Variants in RANBP2 observed in about 807,000 individuals in gnomAD.
The protein encoded by RANBP2 is RAN binding protein 2, also known as E3 SUMO-protein ligase RanBP2.
Under a neutral mutation model 303.6 loss-of-function variants are expected in RANBP2, and 57 were observed. The observed-to-expected ratio is 0.19, with a 90% CI of 0.15 to 0.23. RANBP2 has a LOEUF of 0.23. RANBP2 is among the 10% of genes least tolerant of loss of function. The pLI is 1.00. For synonymous variants in RANBP2, 1,167 were observed against 1,301.5 expected (o/e 0.90, Z 2.23); for missense variants, 3,138 against 3,780.8 (o/e 0.83, Z 4.46).
the RANBP2 span, chr2:108,846,799 C>T: frequency 1.2e-6 from 2 of 1,612,720 alleles, no homozygotes; most frequent in South Asian, 2.2e-5. Context: ...GGAGTGGTAA[C>T]TAAAGGAATT....
chr2:108,979,497 A>ACACG, the RANBP2 span, among the ~76,000 whole-genome samples: 1 of 147,804 alleles, frequency 6.8e-6, no homozygotes, highest in African/African-American at 2.5e-5. Flanking sequence ...ACACACACAC[A>ACACG]CACGCATGGC....
At chr2:108,878,258 TCTTC>T in the RANBP2 span, 1 of 156,688 alleles carries the variant, frequency 6.4e-6, no homozygotes, top group African/African-American at 2.4e-5. Context: ...GCCCCCTCGC[TCTTC>T]CTTCCTCCAT....
the RANBP2 span, among the ~76,000 whole-genome samples, chr2:109,153,725 C>T: frequency 3.3e-5 from 5 of 152,302 alleles, no homozygotes; most frequent in South Asian, 2.1e-4. Flanking sequence ...GTCTGCTGTG[C>T]GTTTTGTGCT....
chr2:109,510,101 C>T, the RANBP2 span, among the ~76,000 whole-genome samples: 13 of 152,034 alleles, frequency 8.6e-5, no homozygotes, highest in Admixed American at 7.2e-4. Context: ...GTTCGGTTGG[C>T]GGGAACGGTG....
chr2:109,097,197 G>A, the RANBP2 span, among the ~76,000 whole-genome samples: 4 of 152,060 alleles, frequency 2.6e-5, no homozygotes, highest in Non-Finnish European at 4.4e-5. Context: ...CCAGCTACTT[G>A]GTAGGCTGAG....
chr2:109,271,574 G>A, the RANBP2 span, among the ~76,000 whole-genome samples: 3 of 152,326 alleles, frequency 2.0e-5, no homozygotes, highest in Admixed American at 1.3e-4. Context: ...TGTAACTATG[G>A]CATCCCAGCC....
chr2:109,236,484 A>T, the RANBP2 span, among the ~76,000 whole-genome samples: 1 of 152,194 alleles, frequency 6.6e-6, no homozygotes, highest in East Asian at 1.9e-4. Flanking sequence ...GAATCAGAAA[A>T]GGTGGTCTTC....
chr2:109,446,373 GT>G, the RANBP2 span, among the ~76,000 whole-genome samples: 13 of 152,202 alleles, frequency 8.5e-5, no homozygotes, highest in Non-Finnish European at 1.8e-4. Flanking sequence ...AAGCAGCCAT[GT>G]CCCCACCTCA....
At chr2:109,227,342 G>A in the RANBP2 span, among the ~76,000 whole-genome samples, 6 of 151,856 alleles carry the variant, frequency 4.0e-5, no homozygotes, top group South Asian at 1.2e-3. Context: ...ACAATACTAA[G>A]GGACTTCTCA....
chr2:109,016,939 C>T, the RANBP2 span, among the ~76,000 whole-genome samples: 13 of 152,124 alleles, frequency 8.5e-5, no homozygotes, highest in Non-Finnish European at 1.6e-4. Flanking sequence ...TATGGAAACT[C>T]GGGTGTGAAA....
the RANBP2 span, among the ~76,000 whole-genome samples, chr2:109,201,155 TC>T: frequency 1.3e-5 from 2 of 152,222 alleles, no homozygotes; most frequent in African/African-American, 2.4e-5. Context: ...TCACACGTCT[TC>T]CTTCCGGCGG....
At chr2:109,314,133 C>A in the RANBP2 span, among the ~76,000 whole-genome samples, 1 of 152,102 alleles carries the variant, frequency 6.6e-6, no homozygotes, top group Non-Finnish European at 1.5e-5. Flanking sequence ...CCTGGGCAGT[C>A]ACCTAACTGC....
At chr2:108,771,557 C>T in intron 20 of RANBP2, 144 bp from the exon 21 acceptor site, 1 of 1,364,230 alleles carries the variant, frequency 7.3e-7, no homozygotes, top group Non-Finnish European at 9.7e-7. Flanking sequence ...GATTATCATA[C>T]ATCTCTGCAT....
At chr2:108,895,309 A>G in the RANBP2 span, 109,004 of 152,470 alleles carry the variant, frequency 0.71, 42,055 homozygotes, top group East Asian at 0.91. Context: ...TAATTTTTAC[A>G]ACCTCGCTTT....
chr2:109,608,884 A>G, the RANBP2 span, among the ~76,000 whole-genome samples: 14 of 152,244 alleles, frequency 9.2e-5, no homozygotes, highest in African/African-American at 3.4e-4. Flanking sequence ...CGCATCAGGC[A>G]TTTTATACTA....
chr2:108,903,261 A>C, the RANBP2 span, among the ~76,000 whole-genome samples: 8 of 152,196 alleles, frequency 5.3e-5, no homozygotes, highest in Non-Finnish European at 7.3e-5. Context: ...AAATGAAGAG[A>C]TATACCATGC....
chr2:109,672,757 A>G, the RANBP2 span, among the ~76,000 whole-genome samples: 1 of 152,232 alleles, frequency 6.6e-6, no homozygotes, highest in South Asian at 2.1e-4. Context: ...TATGACATGT[A>G]AATACTGTTG....
At chr2:109,142,591 T>C in the RANBP2 span, among the ~76,000 whole-genome samples, 1 of 152,152 alleles carries the variant, frequency 6.6e-6, no homozygotes, top group Non-Finnish European at 1.5e-5. Context: ...ATTCTAGTCC[T>C]GTCACCAGAA....
chr2:109,623,239 G>C, the RANBP2 span, among the ~76,000 whole-genome samples: 1 of 152,178 alleles, frequency 6.6e-6, no homozygotes, highest in Non-Finnish European at 1.5e-5. Flanking sequence ...TTCCCTGCCT[G>C]TAAATCCCTA....
Sources: allele counts gnomAD v4.1 joint callset (sites outside exome capture counted in the v4.1 genomes callset), GRCh38; gene constraint gnomAD v4.1.1; transcripts MANE v1.5; gene names NCBI Gene and HGNC (gene_info 2026-07-23, HGNC 2026-07-21).